The following GAP43 variants were observed in gnomAD, a reference collection of about 807,000 sequenced individuals.
The protein encoded by GAP43 is neuromodulin.
GAP43 carries 6 observed loss-of-function variants against 18.6 expected under a neutral mutation model. That is an observed-to-expected ratio of 0.32 (90% CI 0.18 to 0.64). GAP43 has a LOEUF of 0.64. Among genes scored for constraint, GAP43 ranks in the 30% least tolerant of loss-of-function variants. The pLI is 0.78. For missense variants in GAP43, 292 were observed against 295.5 expected, an observed-to-expected ratio of 0.99 and a Z score of 0.09; for synonymous variants, 115 against 111.4, an observed-to-expected ratio of 1.03 and a Z score of -0.20.
At chr3:115,628,858 C>G (rs1708224991) in intron 1 of GAP43, among the ~76,000 whole-genome samples, 1 of 152,166 alleles carries the variant, frequency 6.6e-6, no homozygotes, top group African/African-American at 2.4e-5. Context: ...TGTGTGATTT[C>G]CAGATCTGTA....
Position 115,721,018 on chromosome 3 carries a change from G to C in GAP43, c.*136G>C. 1 of 391,732 alleles carries C rather than the reference G, an allele frequency of 2.6e-6. No homozygotes were observed. The highest frequency in any genetic ancestry group is 4.7e-6 in the Non-Finnish European group (1 of 214,064). The allele number at this position is 391,732 out of a possible 1,614,324, so 24.3% of individuals were successfully genotyped here. ...TGAGTCTGTCCTTTCCCACCCACTA[G>C]CCCTCTTTCTCTCTGTGTGGCAAAC... On this transcript the variant is annotated 3_prime_UTR_variant, in exon 3 of 3. Transcript: ENST00000305124.
At chr3:115,715,466 C>T (rs283363) in intron 2 of GAP43, among the ~76,000 whole-genome samples, 128,564 of 152,116 alleles carry the variant, frequency 0.85, 54,487 homozygotes, top group East Asian at 0.94. Context: ...CTCTATAGCC[C>T]CTTCCTAAGT....
At chr3:115,716,769 CAGAGAGAGAG>C (rs371857324) in intron 2 of GAP43, among the ~76,000 whole-genome samples, 2 of 54,680 alleles carry the variant, frequency 3.7e-5, no homozygotes, top group African/African-American at 6.2e-5. Context: ...TATATATATA[CAGAGAGAGAG>C]AGAGAGAGAG....
chr3:115,684,167 C>T (rs1363665885), intron 2 of GAP43, among the ~76,000 whole-genome samples: 1 of 152,156 alleles, frequency 6.6e-6, no homozygotes, highest in East Asian at 1.9e-4. Context: ...CATAAATATT[C>T]TATCCTGGTG....
chr3:115,638,120 ACTT>A (rs1251311421), intron 1 of GAP43, among the ~76,000 whole-genome samples: 4 of 151,856 alleles, frequency 2.6e-5, no homozygotes, highest in African/African-American at 9.7e-5. Flanking sequence ...CCTATAATCA[ACTT>A]CTTCTACCCT....
intron 1 of GAP43, among the ~76,000 whole-genome samples, chr3:115,629,487 A>G (rs548732913): frequency 6.7e-6 from 1 of 149,862 alleles, no homozygotes; most frequent in South Asian, 2.1e-4. Flanking sequence ...CTCTCTGCCC[A>G]TGTTACCCTT....
At chr3:115,667,905 T>G (rs1708754074) in intron 1 of GAP43, among the ~76,000 whole-genome samples, 1 of 152,214 alleles carries the variant, frequency 6.6e-6, no homozygotes, top group Non-Finnish European at 1.5e-5. Context: ...CAGTGGCTGC[T>G]AAAGGCATAG....
At chr3:115,683,122 T>C (rs1470201805) in intron 2 of GAP43, among the ~76,000 whole-genome samples, 1 of 45,270 alleles carries the variant, frequency 2.2e-5, no homozygotes, top group African/African-American at 4.9e-5. Context: ...TCTACATACA[T>C]GTGCGCGCGC....
At chr3:115,652,424 C>T (rs1417924741) in intron 1 of GAP43, among the ~76,000 whole-genome samples, 1 of 113,898 alleles carries the variant, frequency 8.8e-6, no homozygotes, top group Non-Finnish European at 1.7e-5. Context: ...GCTCTGTTGT[C>T]CAGGCTTAAG....
intron 2 of GAP43, among the ~76,000 whole-genome samples, chr3:115,716,717 AATATAT>A (rs3995850): frequency 0.085 from 3,732 of 43,692 alleles, 139 homozygotes; most frequent in Middle Eastern, 0.15. Flanking sequence ...ATCTCAGACA[AATATAT>A]ATATATATAT....
intron 2 of GAP43, among the ~76,000 whole-genome samples, chr3:115,695,923 T>C (rs1175763070): frequency 6.6e-6 from 1 of 152,216 alleles, no homozygotes; most frequent in Admixed American, 6.5e-5. Flanking sequence ...CTATTCTGAT[T>C]ATTTTTGCCA....
At chr3:115,667,752 T>C (rs1039218632) in intron 1 of GAP43, among the ~76,000 whole-genome samples, 2 of 152,178 alleles carry the variant, frequency 1.3e-5, no homozygotes, top group Non-Finnish European at 1.5e-5. Flanking sequence ...TTTCTGTCTT[T>C]TTCTTGATGC....
At chr3:115,694,660 CA>C (rs1296079594) in intron 2 of GAP43, among the ~76,000 whole-genome samples, 1 of 152,152 alleles carries the variant, frequency 6.6e-6, no homozygotes, top group Non-Finnish European at 1.5e-5. Context: ...TATCTTAGGC[CA>C]CAGGGCTAGT....
rs1709570338 is a variant in GAP43, at chr3:115,720,932, G to A, written c.*50G>A. ...CCCCACCCTCCCCTCTCCTGAGCCT[G>A]TCTCTCCCTACCCTCTTCTCAGCTC... On this transcript the variant is annotated 3_prime_UTR_variant, in exon 3 of 3. Transcript: ENST00000305124. The A allele has an allele frequency of 1.3e-5, 16 of 1,267,906 alleles. No homozygotes were observed. Among genetic ancestry groups the A allele is most frequent in the Non-Finnish European group, 1.7e-5 (15 of 872,606 alleles). The allele number at this position is 1,267,906 out of a possible 1,614,324, so 78.5% of individuals were successfully genotyped here.
At chr3:115,715,785 C>T (rs1451244881) in intron 2 of GAP43, among the ~76,000 whole-genome samples, 1 of 152,194 alleles carries the variant, frequency 6.6e-6, no homozygotes, top group Admixed American at 6.5e-5. Flanking sequence ...TTGTAATCTT[C>T]AGACCTACAT....
intron 2 of GAP43, among the ~76,000 whole-genome samples, chr3:115,699,991 G>A (rs150734109): frequency 5.9e-5 from 9 of 152,274 alleles, no homozygotes; most frequent in African/African-American, 1.9e-4. Context: ...GTGGGATACA[G>A]GCAAGTATAA....
intron 2 of GAP43, among the ~76,000 whole-genome samples, chr3:115,694,960 C>T (rs78319695): frequency 0.019 from 2,967 of 152,186 alleles, 182 homozygotes; most frequent in East Asian, 0.13. Flanking sequence ...TATACAAATG[C>T]GACTTTTTAT....
intron 1 of GAP43, among the ~76,000 whole-genome samples, chr3:115,666,678 C>T (rs1708737738): frequency 6.6e-6 from 1 of 152,102 alleles, no homozygotes; most frequent in Non-Finnish European, 1.5e-5. Flanking sequence ...AGCTGACTTG[C>T]CCAAGGTCAG....
At position 115,676,309 on chromosome 3, in the gene GAP43, C is replaced by G; in HGVS notation, c.327C>G (p.Ser109=). 3 of 1,614,080 alleles carry G rather than the reference C, an allele frequency of 1.9e-6. No homozygotes were observed. Among genetic ancestry groups the G allele is most frequent in the Non-Finnish European group, 2.5e-6 (3 of 1,179,998 alleles). ...DEPGKAGETP[S]EEKKGEGDAA... ...CCGGCAAAGCAGGAGAAACTCCTTC[C>G]GAGGAGAAGAAGGGGGAGGGTGATG... The change falls in exon 2 of 3, where the codon TCC becomes TCG. Residue 109 remains serine (S), a synonymous_variant. Transcript: ENST00000305124.
Sources: gnomAD v4.1 joint callset for allele counts (sites outside exome capture counted in the v4.1 genomes callset) on GRCh38, gnomAD v4.1.1 for gene constraint, MANE v1.5 for transcripts, NCBI Gene and HGNC (gene_info 2026-07-23, HGNC 2026-07-21) for gene names.